PHLPP2: variants seen among roughly 807,000 people sequenced by gnomAD.
PHLPP2 encodes PH domain leucine-rich repeat-containing protein phosphatase 2.
Under a neutral mutation model 124.9 loss-of-function variants are expected in PHLPP2, and 66 were observed. The ratio of observed to expected loss-of-function variants is 0.53; its 90% CI spans 0.43 to 0.65. The LOEUF is 0.65. PHLPP2 is among the 30% of genes least tolerant of loss of function. PHLPP2 has a pLI of 0.00. For missense variants in PHLPP2, 1,685 were observed against 1,600.4 expected, an observed-to-expected ratio of 1.05 and a Z score of -0.90; for synonymous variants, 681 against 624.7, an observed-to-expected ratio of 1.09 and a Z score of -1.34.
At chr16:71,660,506 A>T (rs959541171) in intron 13 of PHLPP2, among the ~76,000 whole-genome samples, 1 of 136,936 alleles carries the variant, frequency 7.3e-6, no homozygotes, top group Non-Finnish European at 1.5e-5. Flanking sequence ...GCTCGCTGCA[A>T]CCTCTGCCTC....
intron 6 of PHLPP2, among the ~76,000 whole-genome samples, chr16:71,681,312 G>T (rs1353606207): frequency 6.6e-6 from 1 of 152,158 alleles, no homozygotes; most frequent in African/African-American, 2.4e-5. Context: ...TTAGAACAGA[G>T]AAGCTTCACA....
intron 13 of PHLPP2, among the ~76,000 whole-genome samples, chr16:71,660,990 T>C (rs1396688438): frequency 6.6e-6 from 1 of 152,204 alleles, no homozygotes; most frequent in Non-Finnish European, 1.5e-5. Context: ...AAAAATATGT[T>C]GTTCCTGAAT....
rs1168984513 is a variant in PHLPP2 at position 71,723,623 on chromosome 16, C to A, written c.-7+706G>T. 2.9e-5 allele frequency: 10 copies of A among 341,402 alleles called. No individual in the cohort carries two copies. The East Asian group carries it at 5.2e-4, about 18-fold the overall frequency. The allele number at this position is 341,402 out of a possible 1,614,324, so 21.1% of individuals were successfully genotyped here. On this transcript the variant is annotated intron_variant, in intron 1 of 18. Coordinates refer to ENST00000568954, the MANE Select transcript of PHLPP2 (RefSeq NM_015020.3). The stretch of plus-strand genomic sequence containing the variant: ...CCCCAGCCGGGTGTGGGGCGGCCGA[C>A]TGACTGACGCCGGGCGGGGGCCGCC...
chr16:71,669,511 C>T, intron 10 of PHLPP2, 141 bp from the exon 11 acceptor site: 2 of 607,906 alleles, frequency 3.3e-6, no homozygotes, highest in Non-Finnish European at 2.9e-6. Context: ...TGGAACACTG[C>T]CTGGAATATA....
chr16:71,668,914 A>C (rs1463032160), intron 11 of PHLPP2, among the ~76,000 whole-genome samples: 2 of 152,228 alleles, frequency 1.3e-5, no homozygotes, highest in Non-Finnish European at 2.9e-5. Flanking sequence ...AAGGTTTTTA[A>C]AGGATTAGGT....
chr16:71,713,681 A>G (rs1310045703), intron 2 of PHLPP2, among the ~76,000 whole-genome samples: 1 of 152,208 alleles, frequency 6.6e-6, no homozygotes, highest in Non-Finnish European at 1.5e-5. Context: ...AGATCTCTAA[A>G]AGATATTAAG....
intron 3 of PHLPP2, among the ~76,000 whole-genome samples, chr16:71,697,609 C>T (rs2045186162): frequency 6.6e-6 from 1 of 152,112 alleles, no homozygotes; most frequent in African/African-American, 2.4e-5. Flanking sequence ...TTGCGTCTGG[C>T]TTCTGATGTT....
intron 1 of PHLPP2, chr16:71,723,832 C>T (rs1253958370): frequency 8.0e-7 from 1 of 1,248,216 alleles, no homozygotes; most frequent in Non-Finnish European, 1.0e-6. Flanking sequence ...CCGGGGGCTC[C>T]AGCGGGCCCG....
intron 3 of PHLPP2, among the ~76,000 whole-genome samples, chr16:71,699,477 C>G (rs997984299): frequency 3.3e-5 from 5 of 152,222 alleles, no homozygotes; most frequent in African/African-American, 1.2e-4. Flanking sequence ...AACTTGACTT[C>G]AAGGGAGAGT....
intron 13 of PHLPP2, among the ~76,000 whole-genome samples, chr16:71,661,089 TA>T (rs1305140677): frequency 6.8e-6 from 1 of 148,074 alleles, no homozygotes; most frequent in African/African-American, 2.5e-5. Context: ...TTTTTTGAGA[TA>T]GGGTCCCGCT....
At chr16:71,686,233 C>T (rs1410751511) in intron 4 of PHLPP2, among the ~76,000 whole-genome samples, 1 of 152,184 alleles carries the variant, frequency 6.6e-6, no homozygotes. Flanking sequence ...AGTACAATGG[C>T]GTGATCATGG....
In PHLPP2 at chr16:71,648,990, ACTT is replaced by A. The variant is rs753711947; in HGVS notation, c.3869_3871del (p.Glu1290del). 7.4e-6 allele frequency: 12 copies of A among 1,613,466 alleles called. No homozygotes were observed. Among genetic ancestry groups the A allele is most frequent in the Non-Finnish European group, 9.3e-6 (11 of 1,179,876 alleles). The stretch of plus-strand genomic sequence containing the variant: ...CTGGTGCTGTTTCATTTGTTCCTTC[ACTT>A]CTTCTTCCAGGTCATGAGGCACAAC... On this transcript the variant is annotated inframe_deletion, in exon 19 of 19. Transcript: ENST00000568954.
intron 2 of PHLPP2, among the ~76,000 whole-genome samples, chr16:71,705,146 A>C (rs2045264409): frequency 6.6e-6 from 1 of 152,204 alleles, no homozygotes; most frequent in African/African-American, 2.4e-5. Context: ...TCTGTCACAG[A>C]CATTTTAGAA....
intron 7 of PHLPP2, 89 bp downstream of exon 7, chr16:71,679,300 C>T: frequency 8.5e-7 from 1 of 1,175,418 alleles, no homozygotes; most frequent in South Asian, 1.3e-5. Flanking sequence ...TAGTTCACTG[C>T]AAGAGTTCAA....
intron 9 of PHLPP2, among the ~76,000 whole-genome samples, chr16:71,673,568 T>C (rs919316486): frequency 6.6e-6 from 1 of 152,122 alleles, no homozygotes; most frequent in Non-Finnish European, 1.5e-5. Context: ...GTAAACGGAG[T>C]AGCAGACCTC....
intron 13 of PHLPP2, among the ~76,000 whole-genome samples, chr16:71,662,565 G>A (rs1005923885): frequency 1.3e-5 from 2 of 152,092 alleles, no homozygotes; most frequent in African/African-American, 4.8e-5. Flanking sequence ...TCTATCTCAT[G>A]TTGTAAATGG....
chr16:71,656,988 G>T (rs1337986547), intron 15 of PHLPP2, among the ~76,000 whole-genome samples: 1 of 151,912 alleles, frequency 6.6e-6, no homozygotes, highest in African/African-American at 2.4e-5. Flanking sequence ...TGTTGCCCAG[G>T]CTGGAGTGCA....
At chr16:71,680,368 A>T (rs887133932) in intron 6 of PHLPP2, among the ~76,000 whole-genome samples, 1 of 152,212 alleles carries the variant, frequency 6.6e-6, no homozygotes. Flanking sequence ...TGAAAATACA[A>T]ATGTGACAGC....
intron 3 of PHLPP2, among the ~76,000 whole-genome samples, chr16:71,695,580 G>A (rs948273514): frequency 6.6e-6 from 1 of 152,074 alleles, no homozygotes; most frequent in Non-Finnish European, 1.5e-5. Flanking sequence ...GTGGTGGTAA[G>A]CCACCTGTAA....
Sources: allele counts gnomAD v4.1 joint callset (sites outside exome capture counted in the v4.1 genomes callset), GRCh38; gene constraint gnomAD v4.1.1; transcripts MANE v1.5; gene names NCBI Gene and HGNC (gene_info 2026-07-23, HGNC 2026-07-21).